EPHA6: variants seen among roughly 807,000 people sequenced by gnomAD.
EPHA6 encodes EPH receptor A6.
Under a neutral mutation model 112.0 loss-of-function variants are expected in EPHA6, and 50 were observed. The ratio of observed to expected loss-of-function variants is 0.45; its 90% CI spans 0.36 to 0.56. The LOEUF is 0.56. Among genes scored for constraint, EPHA6 ranks in the 20% least tolerant of loss-of-function variants. The probability of loss-of-function intolerance (pLI) is 0.00; values close to 1 mark genes in which losing one functional copy is unlikely to be tolerated. For synonymous variants in EPHA6, 529 were observed against 490.7 expected, an observed-to-expected ratio of 1.08 and a Z score of -1.03; for missense variants, 1,280 against 1,417.4, an observed-to-expected ratio of 0.90 and a Z score of 1.56.
chr3:97,260,765 G>T (rs2079474937), intron 5 of EPHA6, among the ~76,000 whole-genome samples: 1 of 152,198 alleles, frequency 6.6e-6, no homozygotes, highest in African/African-American at 2.4e-5. Flanking sequence ...TAACTGCAGG[G>T]CATTCAGTTA....
At chr3:97,187,609 G>C (rs1438661273) in intron 3 of EPHA6, among the ~76,000 whole-genome samples, 1 of 126,008 alleles carries the variant, frequency 7.9e-6, no homozygotes, top group Non-Finnish European at 1.7e-5. Context: ...AAAAGAGAAA[G>C]AAAGAAAAAG....
At chr3:97,038,685 G>T (rs2108044893) in intron 3 of EPHA6, among the ~76,000 whole-genome samples, 1 of 152,168 alleles carries the variant, frequency 6.6e-6, no homozygotes, top group East Asian at 1.9e-4. Flanking sequence ...TCAGACACTT[G>T]CAGTGCTTTC....
intron 14 of EPHA6, among the ~76,000 whole-genome samples, chr3:97,693,297 A>G (rs1162109140): frequency 1.3e-5 from 2 of 152,218 alleles, no homozygotes; most frequent in African/African-American, 4.8e-5. Context: ...TGGCAGAGGA[A>G]TTTAGATGTG....
chr3:96,893,997 G>A (rs1437606290), intron 2 of EPHA6, among the ~76,000 whole-genome samples: 1 of 152,174 alleles, frequency 6.6e-6, no homozygotes, highest in Non-Finnish European at 1.5e-5. Flanking sequence ...CTCCAATATG[G>A]ATGAAACGTC....
At chr3:97,483,356 G>T (rs2091610140) in intron 9 of EPHA6, among the ~76,000 whole-genome samples, 1 of 152,078 alleles carries the variant, frequency 6.6e-6, no homozygotes, top group Non-Finnish European at 1.5e-5. Context: ...TCCTATTCAG[G>T]ACTATATGCA....
intron 3 of EPHA6, among the ~76,000 whole-genome samples, chr3:97,041,346 G>A (rs2045307356): frequency 6.6e-6 from 1 of 152,000 alleles, no homozygotes; most frequent in Non-Finnish European, 1.5e-5. Context: ...TTTAAAGCCT[G>A]GAGTGTATAG....
At chr3:97,332,260 AAAT>A (rs1242524832) in intron 5 of EPHA6, among the ~76,000 whole-genome samples, 20 of 152,088 alleles carry the variant, frequency 1.3e-4, no homozygotes, top group Non-Finnish European at 2.9e-4. Context: ...ACATATCTCA[AAAT>A]AATAAGAGCT....
chr3:97,593,784 G>A (rs1374482461), intron 12 of EPHA6, among the ~76,000 whole-genome samples: 1 of 152,052 alleles, frequency 6.6e-6, no homozygotes, highest in Non-Finnish European at 1.5e-5. Context: ...AATATGCTTT[G>A]AAGTCATTTA....
At chr3:97,458,898 G>A (rs1279549313) in intron 7 of EPHA6, among the ~76,000 whole-genome samples, 1 of 152,082 alleles carries the variant, frequency 6.6e-6, no homozygotes, top group Non-Finnish European at 1.5e-5. Context: ...AACAAAAAAG[G>A]ATAAACCAGT....
At chr3:97,260,801 C>A (rs150093360) in intron 5 of EPHA6, among the ~76,000 whole-genome samples, 42 of 152,302 alleles carry the variant, frequency 2.8e-4, no homozygotes, top group African/African-American at 9.1e-4. Context: ...TTGATCTCAG[C>A]TGTTGGATCT....
chr3:96,953,933 C>T (rs907722612), intron 2 of EPHA6, among the ~76,000 whole-genome samples: 1 of 151,682 alleles, frequency 6.6e-6, no homozygotes, highest in Non-Finnish European at 1.5e-5. Context: ...AGTGCAGTGG[C>T]GCAATCTCAG....
chr3:96,914,659 C>G (rs2039397538), intron 2 of EPHA6, among the ~76,000 whole-genome samples: 1 of 152,042 alleles, frequency 6.6e-6, no homozygotes, highest in Admixed American at 6.6e-5. Context: ...AGAGAAAATC[C>G]TGTTAAAGGA....
At chr3:97,204,294 A>G (rs960018182) in intron 3 of EPHA6, among the ~76,000 whole-genome samples, 3 of 152,140 alleles carry the variant, frequency 2.0e-5, no homozygotes, top group African/African-American at 7.2e-5. Flanking sequence ...TAAATCATAT[A>G]TAAATGAATC....
chr3:97,654,926 T>G lies in EPHA6; in HGVS notation c.2784+16844T>G, dbSNP rs554861198. On this transcript the variant is annotated intron_variant, in intron 14 of 17. Transcript: ENST00000389672. Reference sequence around the variant, plus strand: ...GCTCATTCTGGCTGTATATTGAGATTGATTTACAGAGAGGAGGGGAGAGAG... The same window carrying G: ...GCTCATTCTGGCTGTATATTGAGATGGATTTACAGAGAGGAGGGGAGAGAG... Among the ~76,000 whole-genome samples the G allele has an allele frequency of 2.2e-3, 332 of 151,530 alleles. 4 individuals carry two copies. Among genetic ancestry groups the G allele is most frequent in the African/African-American group, 7.9e-3 (328 of 41,358 alleles).
At chr3:97,187,892 T>C (rs1167124999) in intron 3 of EPHA6, among the ~76,000 whole-genome samples, 1 of 151,986 alleles carries the variant, frequency 6.6e-6, no homozygotes, top group Non-Finnish European at 1.5e-5. Context: ...GGAGTAATTA[T>C]ATAATCTTTT....
At chr3:97,677,677 C>T (rs754554641) in intron 14 of EPHA6, among the ~76,000 whole-genome samples, 57 of 146,292 alleles carry the variant, frequency 3.9e-4, no homozygotes, top group Admixed American at 3.6e-3. Flanking sequence ...GCCAAGACTG[C>T]GCCATTGCAC....
chr3:97,314,855 C>T (rs1284956384), intron 5 of EPHA6, among the ~76,000 whole-genome samples: 4 of 151,610 alleles, frequency 2.6e-5, no homozygotes, highest in African/African-American at 7.3e-5. Flanking sequence ...ATCAATATCA[C>T]ACATATCATA....
At chr3:96,822,621 T>A (rs930123034) in intron 1 of EPHA6, among the ~76,000 whole-genome samples, 4 of 151,606 alleles carry the variant, frequency 2.6e-5, no homozygotes, top group Non-Finnish European at 5.9e-5. Context: ...TTTAATTTAT[T>A]ATTTTACTCT....
At chr3:97,525,535 T>C (rs2092606232) in intron 10 of EPHA6, among the ~76,000 whole-genome samples, 2 of 152,322 alleles carry the variant, frequency 1.3e-5, no homozygotes, top group South Asian at 4.1e-4. Flanking sequence ...GTTATTTTGA[T>C]GGTGTCATGT....
Sources: gnomAD v4.1 joint callset for allele counts (sites outside exome capture counted in the v4.1 genomes callset) on GRCh38, gnomAD v4.1.1 for gene constraint, MANE v1.5 for transcripts, NCBI Gene and HGNC (gene_info 2026-07-23, HGNC 2026-07-21) for gene names.